Variants in CSGALNACT1 observed in about 807,000 individuals in gnomAD.
CSGALNACT1 encodes beta4GalNAcT-1.
Under a neutral mutation model 51.0 loss-of-function variants are expected in CSGALNACT1, and 52 were observed. The ratio of observed to expected loss-of-function variants is 1.02; its 90% CI spans 0.82 to 1.29. The LOEUF (loss-of-function observed/expected upper bound fraction) is 1.29, where lower values mean the gene tolerates loss of function less well. Among genes scored for constraint, CSGALNACT1 ranks in the 50% most tolerant of loss-of-function variants. CSGALNACT1 has a pLI of 0.00. For missense variants in CSGALNACT1, 935 were observed against 679.2 expected (o/e 1.38, Z -4.19); for synonymous variants, 341 against 254.4 (o/e 1.34, Z -3.24).
intron 5 of CSGALNACT1, chr8:19,457,732 G>A: frequency 7.4e-7 from 1 of 1,346,098 alleles, no homozygotes; most frequent in South Asian, 1.2e-5. Context: ...GCCAATATGT[G>A]CATCTGAGCC....
chr8:19,542,552 C>A (rs2085458634), intron 3 of CSGALNACT1, among the ~76,000 whole-genome samples: 1 of 152,150 alleles, frequency 6.6e-6, no homozygotes, highest in Admixed American at 6.6e-5. Flanking sequence ...GAGTGACACC[C>A]TGAGAAATCC....
chr8:19,662,472 A>G (rs1000644868), intron 1 of CSGALNACT1, among the ~76,000 whole-genome samples: 3 of 152,228 alleles, frequency 2.0e-5, no homozygotes, highest in African/African-American at 7.2e-5. Context: ...TGTAAGAATC[A>G]AAGTTAAACT....
intron 1 of CSGALNACT1, among the ~76,000 whole-genome samples, chr8:19,621,015 T>C (rs2053758245): frequency 6.6e-6 from 1 of 152,200 alleles, no homozygotes; most frequent in African/African-American, 2.4e-5. Context: ...TTGTGAGAAG[T>C]TAGAGGTCTT....
chr8:19,738,325 C>G (rs2064111381), intron 1 of CSGALNACT1, among the ~76,000 whole-genome samples: 1 of 152,182 alleles, frequency 6.6e-6, no homozygotes, highest in African/African-American at 2.4e-5. Flanking sequence ...ACGCATGCTA[C>G]AACATGGATG....
intron 4 of CSGALNACT1, among the ~76,000 whole-genome samples, chr8:19,485,818 G>T (rs1281330917): frequency 8.2e-5 from 10 of 122,424 alleles, no homozygotes; most frequent in Non-Finnish European, 1.6e-4. Context: ...CCAGGCTGAA[G>T]TACAATGGCA....
intron 4 of CSGALNACT1, among the ~76,000 whole-genome samples, chr8:19,488,126 G>C (rs1363926284): frequency 1.3e-5 from 2 of 151,890 alleles, no homozygotes; most frequent in Admixed American, 6.6e-5. Flanking sequence ...GAGGTGGGTG[G>C]ATCACCTAAG....
At chr8:19,514,505 A>ATATATATATATATATG (rs2079116164) in intron 3 of CSGALNACT1, among the ~76,000 whole-genome samples, 1 of 138,908 alleles carries the variant, frequency 7.2e-6, no homozygotes, top group African/African-American at 2.8e-5. Flanking sequence ...ATATATATAT[A>ATATATATATATATATG]TATATACATG....
At chr8:19,748,061 A>T (rs941717449) in intron 1 of CSGALNACT1, among the ~76,000 whole-genome samples, 1 of 152,090 alleles carries the variant, frequency 6.6e-6, no homozygotes, top group Non-Finnish European at 1.5e-5. Flanking sequence ...ACTCAAAAAA[A>T]ATCTTACTTC....
At chr8:19,450,814 G>C (rs574605269) in intron 5 of CSGALNACT1, among the ~76,000 whole-genome samples, 15 of 152,170 alleles carry the variant, frequency 9.9e-5, no homozygotes, top group South Asian at 2.1e-4. Context: ...GGAGTCTGAG[G>C]GGGGAGGATC....
At chr8:19,549,583 T>C (rs2087402983) in intron 3 of CSGALNACT1, among the ~76,000 whole-genome samples, 1 of 152,008 alleles carries the variant, frequency 6.6e-6, no homozygotes, top group Non-Finnish European at 1.5e-5. Flanking sequence ...ACACAGGTGA[T>C]GTTCAAAGGT....
chr8:19,735,090 C>T (rs186631030), intron 1 of CSGALNACT1, among the ~76,000 whole-genome samples: 2 of 152,194 alleles, frequency 1.3e-5, no homozygotes, highest in Admixed American at 6.5e-5. Flanking sequence ...AGATCCCATG[C>T]ACAGAACTGA....
In CSGALNACT1 at chr8:19,571,843, A is replaced by C. The variant is rs143177353; in HGVS notation, c.-297+19317T>G. On this transcript the variant is annotated intron_variant, in intron 3 of 9. Transcript: ENST00000454498. ...CAGACAAGGGCTGCCTGGAAAGCTA[A>C]TGTATGACATGCCTGAATTTCCTAA... Among the ~76,000 whole-genome samples the C allele has an allele frequency of 2.2e-3, 339 of 152,340 alleles. 10 individuals are homozygous for C. In the East Asian group the frequency reaches 0.06, roughly 27 times the overall value.
rs542665479 is a variant in CSGALNACT1 at position 19,724,509 on chromosome 8, T to C, written c.-297+33341A>G. 3.9e-5 allele frequency among the ~76,000 whole-genome samples: 6 copies of C among 152,354 alleles called. No individual in the cohort carries two copies. The South Asian group carries it at 1.2e-3, about 32-fold the overall frequency. Reference sequence around the variant, plus strand: ...TCTGATTCTTTCAAGAAGTCTGTGATACTGAACCCACCCAGATAACCCAGG... The same window carrying C: ...TCTGATTCTTTCAAGAAGTCTGTGACACTGAACCCACCCAGATAACCCAGG... On this transcript the variant is annotated intron_variant, in intron 1 of 1. Transcript: ENST00000517494.
intron 4 of CSGALNACT1, among the ~76,000 whole-genome samples, chr8:19,495,425 C>A: frequency 6.6e-6 from 1 of 152,208 alleles, no homozygotes; most frequent in Non-Finnish European, 1.5e-5. Flanking sequence ...CGTATGCCTG[C>A]AGTATGGCAT....
Position 19,545,836 on chromosome 8 carries a change from GTA to G in CSGALNACT1, c.-296-39708_-296-39707del, listed in dbSNP as rs1439028026. ...ATTAATATATGTATACATATATTATGTATATATAATAGTTATATACTATATAT... is the reference window on the plus strand; with the variant it reads ...ATTAATATATGTATACATATATTATGTATATAATAGTTATATACTATATAT... On this transcript the variant is annotated intron_variant, in intron 3 of 9. Coordinates refer to ENST00000454498, the Ensembl canonical transcript of CSGALNACT1. 2.7e-5 allele frequency among the ~76,000 whole-genome samples: 4 copies of G among 147,830 alleles called. No individual in the cohort carries two copies. The South Asian group carries it at 8.4e-4, about 31-fold the overall frequency.
chr8:19,720,338 G>C (rs148291219), intron 1 of CSGALNACT1, among the ~76,000 whole-genome samples: 36 of 152,338 alleles, frequency 2.4e-4, no homozygotes, highest in African/African-American at 8.2e-4. Flanking sequence ...GTATCAGGGA[G>C]AGATAAGAAA....
At chr8:19,564,606 G>C (rs1483002452) in intron 3 of CSGALNACT1, among the ~76,000 whole-genome samples, 1 of 152,028 alleles carries the variant, frequency 6.6e-6, no homozygotes. Flanking sequence ...GGCCCTATAT[G>C]CTTATGCAAC....
chr8:19,653,093 GT>G (rs1431027109), intron 1 of CSGALNACT1, among the ~76,000 whole-genome samples: 6 of 152,126 alleles, frequency 3.9e-5, no homozygotes, highest in Admixed American at 1.3e-4. Flanking sequence ...CACTGCCACA[GT>G]TCGAACCAAC....
intron 5 of CSGALNACT1, among the ~76,000 whole-genome samples, chr8:19,447,691 T>C (rs1319797516): frequency 6.6e-6 from 1 of 152,102 alleles, no homozygotes; most frequent in Non-Finnish European, 1.5e-5. Flanking sequence ...CAAAATAGCC[T>C]TGGTTCTCGA....
Sources: allele counts gnomAD v4.1 joint callset (sites outside exome capture counted in the v4.1 genomes callset), GRCh38; gene constraint gnomAD v4.1.1; transcripts MANE v1.5; gene names NCBI Gene and HGNC (gene_info 2026-07-23, HGNC 2026-07-21).